Variants in RASA3 observed in about 807,000 individuals in gnomAD.
RASA3 encodes ras GTPase-activating protein 3.
RASA3 carries 73 observed loss-of-function variants against 110.0 expected under a neutral mutation model. The ratio of observed to expected loss-of-function variants is 0.66; its 90% confidence interval spans 0.55 to 0.81. RASA3 has a LOEUF of 0.81. Ranked by LOEUF, RASA3 falls within the 30% of genes least tolerant of loss-of-function variation. The pLI, the probability that RASA3 is intolerant of heterozygous loss-of-function variation, is 0.00. For missense variants in RASA3, 976 were observed against 1,113.2 expected (o/e 0.88, Z 1.75); for synonymous variants, 500 against 451.4 (o/e 1.11, Z -1.37).
At chr13:114,027,346 G>A (rs2054044579) in intron 7 of RASA3, 43 bp downstream of exon 7, 6 of 1,443,350 alleles carry the variant, frequency 4.2e-6, no homozygotes, top group South Asian at 1.1e-5. Context: ...ACGTGTCTCG[G>A]GTGCAGAGTT....
Position 114,057,524 on chromosome 13 carries a change from T to C in RASA3, c.174-5369A>G. The C allele has an allele frequency of 2.0e-6, 2 of 984,966 alleles. No individual in the cohort carries two copies. Among genetic ancestry groups the C allele is most frequent in the South Asian group, 4.7e-5 (1 of 21,270 alleles). The allele number at this position is 984,966 out of a possible 1,614,324, so 61.0% of individuals were successfully genotyped here. ...CAGCTTCTTAGACCGATGATTTATTTAGGGAATAAGAAGGGCGATTCCAGG... is the reference window on the plus strand; with the variant it reads ...CAGCTTCTTAGACCGATGATTTATTCAGGGAATAAGAAGGGCGATTCCAGG... On this transcript the variant is annotated intron_variant, in intron 2 of 23. Transcript: ENST00000334062. The surrounding 1 kb of genome is among the most constrained non-coding windows in gnomAD (Gnocchi z 5.0).
intron 1 of RASA3, among the ~76,000 whole-genome samples, chr13:114,108,971 C>CTG (rs1409893347): frequency 5.9e-4 from 90 of 152,314 alleles, no homozygotes; most frequent in Middle Eastern, 6.8e-3. Flanking sequence ...TCCCGGCGGA[C>CTG]GGTGGCAGGG....
In RASA3 at chr13:114,038,281, C is replaced by T. The variant is rs534225374; in HGVS notation, c.372+2719G>A. Among the ~76,000 whole-genome samples, 73 of 152,360 alleles carry T rather than the reference C, an allele frequency of 4.8e-4. No individual in the cohort carries two copies. The South Asian group carries it at 8.7e-3, about 18-fold the overall frequency. Reference sequence around the variant, plus strand: ...CGGGAGCGGCCCAGTCACCAAGCCCCGTCTCCCGGGCAGCACGTGGGAAAC... The same window carrying T: ...CGGGAGCGGCCCAGTCACCAAGCCCTGTCTCCCGGGCAGCACGTGGGAAAC... On this transcript the variant is annotated intron_variant, in intron 4 of 23. Transcript: ENST00000334062.
At chr13:113,991,047 GTGCGGA>G (rs1257779339) in intron 22 of RASA3, among the ~76,000 whole-genome samples, 38 of 139,764 alleles carry the variant, frequency 2.7e-4, no homozygotes, top group East Asian at 8.6e-4. Context: ...ATGGGCAGCT[GTGCGGA>G]CACCCAGGGC....
chr13:114,073,408 ACGC>A, intron 2 of RASA3, among the ~76,000 whole-genome samples: 6 of 150,056 alleles, frequency 4.0e-5, no homozygotes, highest in Admixed American at 6.6e-5. Context: ...GGTGACGTAC[ACGC>A]TCGGGACATT....
intron 8 of RASA3, 84 bp downstream of exon 8, chr13:114,024,195 C>G (rs183746189): frequency 2.4e-4 from 298 of 1,259,734 alleles, no homozygotes; most frequent in Middle Eastern, 5.6e-4. Flanking sequence ...ATCTATGACC[C>G]TATATTTAGT....
chr13:114,035,082 G>A (rs556953971), intron 4 of RASA3, among the ~76,000 whole-genome samples: 6 of 152,338 alleles, frequency 3.9e-5, no homozygotes, highest in Admixed American at 2.0e-4. Flanking sequence ...ACGCTGACCT[G>A]AGCTTAGAGC....
At chr13:114,016,393 A>G in intron 12 of RASA3, 122 bp from the exon 13 acceptor site, 3 of 741,506 alleles carry the variant, frequency 4.0e-6, no homozygotes, top group Non-Finnish European at 7.1e-6. Context: ...AAATGCCACG[A>G]CAGCTCCCCG....
rs1203527115 is a variant in RASA3 at position 114,052,170 on chromosome 13, A to G, written c.174-15T>C. On this transcript the variant is annotated splice_polypyrimidine_tract_variant and intron_variant, in intron 2 of 23. Transcript: ENST00000334062. Reference sequence around the variant, plus strand: ...CGTAAAACGGGCTAGTGAGACAAAGAAAAGCGCCAGTTAGAACACAGGCCA... The same window carrying G: ...CGTAAAACGGGCTAGTGAGACAAAGGAAAGCGCCAGTTAGAACACAGGCCA... 3 of 1,585,230 alleles carry G rather than the reference A, an allele frequency of 1.9e-6. No individual in the cohort carries two copies. Among genetic ancestry groups the G allele is most frequent in the Non-Finnish European group, 2.6e-6 (3 of 1,155,324 alleles).
At chr13:114,028,454 G>A (rs113187105) in intron 5 of RASA3, among the ~76,000 whole-genome samples, 4,333 of 26,196 alleles carry the variant, frequency 0.17, no homozygotes, top group African/African-American at 0.31. Context: ...CTAAAACAGC[G>A]TCATCTGGGA....
intron 14 of RASA3, among the ~76,000 whole-genome samples, chr13:114,013,962 CT>C (rs2053727728): frequency 6.6e-6 from 1 of 151,042 alleles, no homozygotes; most frequent in African/African-American, 2.4e-5. Flanking sequence ...GTCTCTCTCT[CT>C]CTCTCTCCGT....
chr13:114,055,682 G>A (rs1204113822), intron 2 of RASA3, among the ~76,000 whole-genome samples: 2 of 152,232 alleles, frequency 1.3e-5, no homozygotes, highest in African/African-American at 4.8e-5. Flanking sequence ...AGTGATGGCA[G>A]GAAGCCGTGG....
At chr13:114,039,474 C>T (rs1343368847) in intron 4 of RASA3, among the ~76,000 whole-genome samples, 1 of 152,158 alleles carries the variant, frequency 6.6e-6, no homozygotes, top group Non-Finnish European at 1.5e-5. Flanking sequence ...AGGAAGCCGT[C>T]CGGTGTCCCA....
intron 2 of RASA3, among the ~76,000 whole-genome samples, chr13:114,069,389 C>T (rs1281860317): frequency 6.9e-6 from 1 of 144,070 alleles, no homozygotes; most frequent in Non-Finnish European, 1.5e-5. Context: ...AACCATCAGA[C>T]CTTAAAGGTG....
chr13:114,024,116 G>A (rs764336721), intron 8 of RASA3, among the ~76,000 whole-genome samples, 163 bp downstream of exon 8: 1 of 152,226 alleles, frequency 6.6e-6, no homozygotes, highest in Non-Finnish European at 1.5e-5. Context: ...CCACCCACAG[G>A]CTGTCACTTC....
chr13:114,120,987 G>C (rs12427627), intron 1 of RASA3, among the ~76,000 whole-genome samples: 2,089 of 152,348 alleles, frequency 0.014, 129 homozygotes, highest in Admixed American at 0.098. Flanking sequence ...CTCTGGAACA[G>C]TCCAAAGACT....
Position 114,021,579 on chromosome 13 carries a change from G to C in RASA3, c.681-71C>G, listed in dbSNP as rs986774589. 1.5e-5 allele frequency: 19 copies of C among 1,256,586 alleles called. No homozygotes were observed. In the African/African-American group the frequency reaches 2.1e-4, roughly 14 times the overall value. 77.8% of individuals were successfully genotyped at this position (1,256,586 alleles called of 1,614,324 possible). On this transcript the variant is annotated intron_variant, in intron 8 of 23. Coordinates refer to ENST00000334062, the MANE Select transcript of RASA3 (RefSeq NM_007368.4). ...GTGTGGAGCAAAGATGACAGGCCACGCTTTGTTCCCCCAGGAGCAGAATGG... is the reference window on the plus strand; with the variant it reads ...GTGTGGAGCAAAGATGACAGGCCACCCTTTGTTCCCCCAGGAGCAGAATGG...
At chr13:114,128,166 T>C (rs1231228737) in intron 1 of RASA3, among the ~76,000 whole-genome samples, 9 of 152,256 alleles carry the variant, frequency 5.9e-5, no homozygotes. Context: ...GGATCTCTGA[T>C]GCCAAGGCCC....
At chr13:114,093,509 G>A (rs964479812) in intron 1 of RASA3, among the ~76,000 whole-genome samples, 1 of 152,146 alleles carries the variant, frequency 6.6e-6, no homozygotes, top group Non-Finnish European at 1.5e-5. Context: ...ATCTTTGAGA[G>A]TTTTTTGATT....
Sources: gnomAD v4.1 joint callset for allele counts (sites outside exome capture counted in the v4.1 genomes callset) on GRCh38, gnomAD v4.1.1 for gene constraint, Gnocchi (gnomAD v3.1) non-coding constraint, MANE v1.5 for transcripts, NCBI Gene and HGNC (gene_info 2026-07-23, HGNC 2026-07-21) for gene names.